MYO9A: variants seen among roughly 807,000 people sequenced by gnomAD.
MYO9A encodes myosin IXA, also known as unconventional myosin-IXa.
MYO9A carries 103 observed loss-of-function variants against 293.3 expected under a neutral mutation model. The observed-to-expected ratio is 0.35, with a 90% confidence interval of 0.30 to 0.41. The LOEUF (loss-of-function observed/expected upper bound fraction) is 0.41, where lower values mean the gene tolerates loss of function less well. Ranked by LOEUF, MYO9A falls within the 10% of genes least tolerant of loss-of-function variation. MYO9A has a pLI of 1.00. For synonymous variants in MYO9A, 1,001 were observed against 1,035.7 expected (o/e 0.97, Z 0.64); for missense variants, 2,685 against 3,033.0 (o/e 0.89, Z 2.69).
chr15:71,840,302 C>T (rs905089823), intron 39 of MYO9A, among the ~76,000 whole-genome samples: 2 of 152,128 alleles, frequency 1.3e-5, no homozygotes, highest in African/African-American at 4.8e-5. Context: ...TTCCTTGCAC[C>T]TGAGTTGTGA....
At chr15:72,027,959 A>T (rs571914763) in intron 3 of MYO9A, among the ~76,000 whole-genome samples, 166 bp from the exon 4 acceptor site, 1 of 151,982 alleles carries the variant, frequency 6.6e-6, no homozygotes, top group East Asian at 1.9e-4. Flanking sequence ...GCACTTTGGG[A>T]GGTCGAGATG....
At chr15:71,926,769 T>A (rs762584217) in intron 18 of MYO9A, among the ~76,000 whole-genome samples, 1 of 152,088 alleles carries the variant, frequency 6.6e-6, no homozygotes, top group Admixed American at 6.5e-5. Context: ...TTCTAGCAAA[T>A]GAAAAGGCAG....
At chr15:71,932,056 AG>A (rs1256200670) in intron 18 of MYO9A, among the ~76,000 whole-genome samples, 3 of 152,136 alleles carry the variant, frequency 2.0e-5, no homozygotes, top group African/African-American at 7.2e-5. Flanking sequence ...CCAGGAAATT[AG>A]GATGTGCCAA....
intron 32 of MYO9A, among the ~76,000 whole-genome samples, chr15:71,873,664 CTTTAA>C (rs1330399206): frequency 6.6e-6 from 1 of 152,142 alleles, no homozygotes; most frequent in African/African-American, 2.4e-5. Context: ...TGTTACTTCA[CTTTAA>C]TTTGACTGCT....
At chr15:71,919,365 C>T (rs1285981862) in intron 18 of MYO9A, among the ~76,000 whole-genome samples, 2 of 152,142 alleles carry the variant, frequency 1.3e-5, no homozygotes, top group Middle Eastern at 3.4e-3. Context: ...ATTGCTTGAG[C>T]TCAGGGGGCA....
At chr15:72,013,996 A>T (rs1566949640) in intron 6 of MYO9A, among the ~76,000 whole-genome samples, 1 of 152,106 alleles carries the variant, frequency 6.6e-6, no homozygotes, top group Non-Finnish European at 1.5e-5. Context: ...TTGGAGGGAC[A>T]GTGTTTTGCC....
chr15:71,911,914 C>T (rs1037132072), intron 19 of MYO9A, among the ~76,000 whole-genome samples: 2 of 152,158 alleles, frequency 1.3e-5, no homozygotes, highest in African/African-American at 2.4e-5. Context: ...AGAAAATATA[C>T]ATTATAGTCT....
chr15:72,056,328 T>C (rs959271938), intron 1 of MYO9A, among the ~76,000 whole-genome samples: 10 of 152,098 alleles, frequency 6.6e-5, no homozygotes, highest in Non-Finnish European at 1.0e-4. Flanking sequence ...TGCAAAAATA[T>C]AGAACCAGCC....
At chr15:72,111,316 C>T (rs1256709462) in intron 1 of MYO9A, among the ~76,000 whole-genome samples, 1 of 150,664 alleles carries the variant, frequency 6.6e-6, no homozygotes, top group Non-Finnish European at 1.5e-5. Context: ...ATGGTGAAAT[C>T]CTGTCTCTAC....
chr15:71,936,098 T>C (rs183123774), intron 16 of MYO9A, among the ~76,000 whole-genome samples: 35 of 151,854 alleles, frequency 2.3e-4, no homozygotes, highest in African/African-American at 8.0e-4. Context: ...ATAAAGAAAA[T>C]GTGGTATATA....
At chr15:71,902,899 A>G in intron 22 of MYO9A, 42 bp downstream of exon 22, 1 of 1,404,086 alleles carries the variant, frequency 7.1e-7, no homozygotes, top group Non-Finnish European at 9.6e-7. Context: ...TTTTTAAATA[A>G]ATGCACTCAA....
At chr15:72,009,362 C>A (rs2077108221) in intron 7 of MYO9A, among the ~76,000 whole-genome samples, 1 of 152,020 alleles carries the variant, frequency 6.6e-6, no homozygotes, top group Non-Finnish European at 1.5e-5. Flanking sequence ...TAAGTGCAAG[C>A]AAACAAGAAA....
At chr15:71,994,733 G>GTTT (rs1447424580) in intron 9 of MYO9A, 148 bp from the exon 10 acceptor site, 2 of 544,954 alleles carry the variant, frequency 3.7e-6, no homozygotes, top group Non-Finnish European at 6.4e-6. Flanking sequence ...TATAACTAAA[G>GTTT]TTTTTTGTTT....
At chr15:72,025,309 T>C (rs144500020) in intron 4 of MYO9A, among the ~76,000 whole-genome samples, 279 of 152,088 alleles carry the variant, frequency 1.8e-3, no homozygotes, top group Non-Finnish European at 3.6e-3. Context: ...ACATAACAAT[T>C]TAAAATATAC....
At chr15:71,926,602 G>A (rs947940290) in intron 18 of MYO9A, among the ~76,000 whole-genome samples, 1 of 152,164 alleles carries the variant, frequency 6.6e-6, no homozygotes, top group African/African-American at 2.4e-5. Context: ...AGCTACTTGG[G>A]AGGCTAAGGC....
intron 1 of MYO9A, among the ~76,000 whole-genome samples, chr15:72,092,716 T>C (rs1232207076): frequency 6.6e-6 from 1 of 152,214 alleles, no homozygotes; most frequent in Non-Finnish European, 1.5e-5. Flanking sequence ...CATGGATGTA[T>C]TCAATAAAGA....
At chr15:72,058,735 C>T (rs1044091785) in intron 1 of MYO9A, among the ~76,000 whole-genome samples, 2 of 152,110 alleles carry the variant, frequency 1.3e-5, no homozygotes, top group Non-Finnish European at 2.9e-5. Flanking sequence ...TGTGGTTTAG[C>T]AGGGTGTGGT....
At chr15:71,981,102 C>G (rs971839585) in intron 11 of MYO9A, among the ~76,000 whole-genome samples, 2 of 151,950 alleles carry the variant, frequency 1.3e-5, no homozygotes, top group African/African-American at 4.8e-5. Context: ...TGGCTTGATT[C>G]AGTTAAATGT....
rs188078590 is a variant in MYO9A at position 72,016,481 on chromosome 15, T to C, written c.1155+2558A>G. Among the ~76,000 whole-genome samples the C allele has an allele frequency of 7.2e-5, 11 of 152,310 alleles. No homozygotes were observed. The East Asian group carries it at 1.4e-3, about 19-fold the overall frequency. On this transcript the variant is annotated intron_variant, in intron 6 of 41. Transcript: ENST00000356056. ...CTAACTATAGGTCTCCTTGGGACCA[T>C]TTATACAATTCCACGAAATACATAA...
Sources: allele counts gnomAD v4.1 joint callset (sites outside exome capture counted in the v4.1 genomes callset), GRCh38; gene constraint gnomAD v4.1.1; transcripts MANE v1.5; gene names NCBI Gene and HGNC (gene_info 2026-07-23, HGNC 2026-07-21).